The following SAMD7 variants were observed in gnomAD, a reference collection of about 807,000 sequenced individuals.
SAMD7 encodes the protein sterile alpha motif domain-containing protein 7.
A neutral mutation model predicts 36.7 loss-of-function variants in SAMD7; 34 were observed. The observed-to-expected ratio is 0.93, with a 90% CI of 0.71 to 1.23. The LOEUF (loss-of-function observed/expected upper bound fraction) is 1.23, where lower values mean the gene tolerates loss of function less well. Ranked by LOEUF, SAMD7 falls within the 50% of genes most tolerant of loss-of-function variation. The probability of loss-of-function intolerance (pLI) is 0.00; values close to 1 mark genes in which losing one functional copy is unlikely to be tolerated. For synonymous variants in SAMD7, 188 were observed against 189.7 expected (o/e 0.99, Z 0.07); for missense variants, 570 against 546.6 (o/e 1.04, Z -0.43).
Position 169,936,410 on chromosome 3 carries a change from G to A in SAMD7, c.1113G>A (p.Met371Ile). The A allele has an allele frequency of 3.7e-6, 6 of 1,613,468 alleles. No individual in the cohort carries two copies. The highest frequency in any genetic ancestry group is 5.1e-6 in the Non-Finnish European group (6 of 1,179,440). ...LLTEEHLRGT[M>I]GLKLGPALKI... ...CAGAAGAGCATCTTCGAGGCACTAT[G>A]GGATTAAAGCTAGGGCCGGCACTAA... The change falls in exon 8 of 9, where the codon ATG (methionine) becomes ATA (isoleucine). Residue 371 changes from methionine to isoleucine, a missense_variant. Transcript: ENST00000335556.
chr3:169,916,295 A>G (rs1391021323), intron 2 of SAMD7, among the ~76,000 whole-genome samples: 2 of 152,184 alleles, frequency 1.3e-5, no homozygotes, highest in African/African-American at 2.4e-5. Flanking sequence ...ACTGTTGTCC[A>G]ATGGATAAAG....
At chr3:169,914,253 C>A (rs77417717) in intron 1 of SAMD7, among the ~76,000 whole-genome samples, 2,458 of 152,228 alleles carry the variant, frequency 0.016, 75 homozygotes, top group African/African-American at 0.057. Flanking sequence ...TTTCTGTGTA[C>A]TGAAAACTTC....
chr3:169,930,693 T>A (rs1344904922), intron 7 of SAMD7, among the ~76,000 whole-genome samples: 1 of 150,602 alleles, frequency 6.6e-6, no homozygotes, highest in Admixed American at 6.7e-5. Context: ...GCGATTCTCC[T>A]GCCTCAGCCT....
intron 2 of SAMD7, 139 bp from the exon 3 acceptor site, chr3:169,919,319 T>C (rs1576827953): frequency 1.6e-6 from 1 of 606,910 alleles, no homozygotes; most frequent in East Asian, 2.8e-5. Flanking sequence ...CTGGGGTTTT[T>C]GTGTAACTAA....
intron 8 of SAMD7, among the ~76,000 whole-genome samples, chr3:169,937,773 C>T (rs1188663692): frequency 6.6e-6 from 1 of 152,100 alleles, no homozygotes; most frequent in East Asian, 1.9e-4. Context: ...GGTAAATAGC[C>T]AGTAATGGGA....
rs551460964 is a variant in SAMD7, at chr3:169,932,493, T to G, written c.1042-3846T>G. On this transcript the variant is annotated intron_variant, in intron 7 of 8. Transcript: ENST00000335556. ...CAGGATTGTGGGTGTCCCAGAGCCC[T>G]GCTGATGGTGGGCAGATCCGTTCAT... 2.9e-3 allele frequency: 1,667 copies of G among 582,018 alleles called. 27 individuals carry two copies. The highest frequency in any genetic ancestry group is 0.023 in the South Asian group (1,617 of 68,940). 36.1% of individuals were successfully genotyped at this position (582,018 alleles called of 1,614,324 possible).
At chr3:169,937,359 G>A (rs1713755705) in intron 8 of SAMD7, among the ~76,000 whole-genome samples, 1 of 151,946 alleles carries the variant, frequency 6.6e-6, no homozygotes, top group African/African-American at 2.4e-5. Flanking sequence ...CATCACCTAG[G>A]TATTAAGCCC....
rs186465482 is a variant in SAMD7, at chr3:169,918,085, G to A, written c.-41-1373G>A. 1.7e-4 allele frequency among the ~76,000 whole-genome samples: 26 copies of A among 151,972 alleles called. 1 individual carries two copies. The South Asian group carries it at 2.5e-3, about 15-fold the overall frequency. On this transcript the variant is annotated intron_variant, in intron 2 of 8. Coordinates refer to ENST00000335556, the MANE Select transcript of SAMD7 (RefSeq NM_001304366.2). ...CCCGAGTAGCTGGGATTACAGGCAC[G>A]CGCCACCACACTTGGCTAATTTTTG...
At chr3:169,929,719 G>A (rs766544094) in intron 7 of SAMD7, among the ~76,000 whole-genome samples, 41 of 152,088 alleles carry the variant, frequency 2.7e-4, no homozygotes, top group Non-Finnish European at 5.9e-5. Context: ...AGAGTGCATG[G>A]CACCTTGTAA....
chr3:169,915,879 G>A (rs1370253928), intron 2 of SAMD7, among the ~76,000 whole-genome samples: 1 of 151,950 alleles, frequency 6.6e-6, no homozygotes, highest in Non-Finnish European at 1.5e-5. Context: ...CACCCAGCCT[G>A]AGCCCTATAT....
chr3:169,924,868 A>G (rs1030001343), intron 4 of SAMD7, among the ~76,000 whole-genome samples, 190 bp from the exon 5 acceptor site: 1 of 152,190 alleles, frequency 6.6e-6, no homozygotes, highest in Non-Finnish European at 1.5e-5. Flanking sequence ...GGTATTTGTC[A>G]TGCTGTCACC....
chr3:169,919,402 A>T, intron 2 of SAMD7, 56 bp from the exon 3 acceptor site: 1 of 946,850 alleles, frequency 1.1e-6, no homozygotes, highest in Non-Finnish European at 1.7e-6. Flanking sequence ...AGAAGAATTC[A>T]AATAGTTCAC....
At chr3:169,919,007 G>A (rs371489537) in intron 2 of SAMD7, among the ~76,000 whole-genome samples, 10 of 152,124 alleles carry the variant, frequency 6.6e-5, no homozygotes, top group Non-Finnish European at 1.3e-4. Context: ...TTAGCCGGGC[G>A]TGGTGGTGGG....
chr3:169,920,461 A>T (rs951317957), intron 3 of SAMD7, among the ~76,000 whole-genome samples: 4 of 152,210 alleles, frequency 2.6e-5, no homozygotes, highest in Middle Eastern at 3.2e-3. Context: ...ATATCATTTA[A>T]TCGAAATTAC....
chr3:169,912,531 A>G (rs1308883052), intron 1 of SAMD7, among the ~76,000 whole-genome samples: 1 of 152,242 alleles, frequency 6.6e-6, no homozygotes, highest in Admixed American at 6.5e-5. Flanking sequence ...CACATAAATT[A>G]TATTGAGTCC....
rs1713201396 is a variant in SAMD7, at chr3:169,925,095, G to A, written c.249G>A (p.Val83=). 1.9e-6 allele frequency: 3 copies of A among 1,611,464 alleles called. No individual in the cohort carries two copies. Among genetic ancestry groups the A allele is most frequent in the Non-Finnish European group, 2.5e-6 (3 of 1,178,744 alleles). Residue 83 remains valine (V), a synonymous_variant, in exon 5 of 9, where the codon GTG becomes GTA. Coordinates refer to ENST00000335556, the MANE Select transcript of SAMD7 (RefSeq NM_001304366.2). ...TACCACCTGAATCCATAAAGGCAGT[G>A]GCCAGAAGGAATGAAATGATTCAAC... The part of the protein sequence containing the change: ...GILPPESIKA[V]ARRNEMIQRH...
chr3:169,931,861 C>A, intron 7 of SAMD7: 1 of 197,740 alleles, frequency 5.1e-6, no homozygotes, highest in African/African-American at 2.4e-5. Context: ...TAGGACGCAA[C>A]GGGAACTGTG....
At chr3:169,926,285 G>GT (rs2108261343) in intron 5 of SAMD7, 2 of 1,383,734 alleles carry the variant, frequency 1.4e-6, no homozygotes, top group East Asian at 7.3e-5. Flanking sequence ...GCTGTGCTGC[G>GT]TAAGCCCCAT....
chr3:169,928,128 C>T (rs190609704), intron 6 of SAMD7, among the ~76,000 whole-genome samples: 1 of 152,256 alleles, frequency 6.6e-6, no homozygotes, highest in African/African-American at 2.4e-5. Context: ...TGTCTCATCT[C>T]GAAAGCAGGA....
Sources: gnomAD v4.1 joint callset for allele counts (sites outside exome capture counted in the v4.1 genomes callset) on GRCh38, gnomAD v4.1.1 for gene constraint, MANE v1.5 for transcripts, NCBI Gene and HGNC (gene_info 2026-07-23, HGNC 2026-07-21) for gene names.